The following CLMP variants were observed in gnomAD, a reference collection of about 807,000 sequenced individuals.
The protein encoded by CLMP is CXADR-like membrane protein.
A neutral mutation model predicts 45.2 loss-of-function variants in CLMP; 27 were observed. The ratio of observed to expected loss-of-function variants is 0.60; its 90% CI spans 0.44 to 0.82. The LOEUF is 0.82. Ranked by LOEUF, CLMP falls within the 40% of genes least tolerant of loss-of-function variation. The pLI is 0.00. For synonymous variants in CLMP, 167 were observed against 171.4 expected (o/e 0.97, Z 0.20); for missense variants, 403 against 448.4 (o/e 0.90, Z 0.91).
chr11:123,117,260 C>T (rs1223944287), intron 1 of CLMP, among the ~76,000 whole-genome samples: 1 of 151,820 alleles, frequency 6.6e-6, no homozygotes, highest in East Asian at 1.9e-4. Context: ...TTCATTTAAT[C>T]AGAACAATCC....
At chr11:123,153,516 C>T (rs570701257) in intron 1 of CLMP, among the ~76,000 whole-genome samples, 4 of 152,280 alleles carry the variant, frequency 2.6e-5, no homozygotes, top group African/African-American at 9.6e-5. Context: ...TCAAAAGGAA[C>T]TCTACTATGA....
At chr11:123,150,707 G>A (rs693095) in intron 1 of CLMP, among the ~76,000 whole-genome samples, 1 of 152,146 alleles carries the variant, frequency 6.6e-6, no homozygotes, top group African/African-American at 2.4e-5. Context: ...AATTCTGAAA[G>A]TCATGACTTC....
intron 5 of CLMP, among the ~76,000 whole-genome samples, chr11:123,078,237 T>C (rs1266513121): frequency 2.0e-5 from 3 of 152,160 alleles, no homozygotes; most frequent in South Asian, 2.1e-4. Context: ...ATAAAATGAA[T>C]AATTGTATAG....
At chr11:123,095,872 G>A (rs1281795506) in intron 2 of CLMP, among the ~76,000 whole-genome samples, 1 of 152,180 alleles carries the variant, frequency 6.6e-6, no homozygotes, top group Non-Finnish European at 1.5e-5. Context: ...TATTCTACGA[G>A]GGCAGAGAGG....
chr11:123,102,009 A>C (rs1866068339), intron 1 of CLMP, among the ~76,000 whole-genome samples: 1 of 152,052 alleles, frequency 6.6e-6, no homozygotes, highest in Non-Finnish European at 1.5e-5. Flanking sequence ...ACATGGCCAA[A>C]CCCTATCTCC....
At chr11:123,088,068 G>T (rs192849711) in intron 2 of CLMP, among the ~76,000 whole-genome samples, 2 of 151,820 alleles carry the variant, frequency 1.3e-5, no homozygotes, top group Non-Finnish European at 2.9e-5. Context: ...GTGCCACCAG[G>T]CCCAGCTAAT....
intron 1 of CLMP, among the ~76,000 whole-genome samples, chr11:123,170,035 C>T (rs1861608824): frequency 6.6e-6 from 1 of 152,114 alleles, no homozygotes; most frequent in Non-Finnish European, 1.5e-5. Context: ...TCTTATCAGA[C>T]TTAAAAAGGT....
chr11:123,129,596 G>GTATATAATATATATTATATT (rs1860955141), intron 1 of CLMP, among the ~76,000 whole-genome samples: 2 of 135,632 alleles, frequency 1.5e-5, no homozygotes, highest in Non-Finnish European at 3.1e-5. Context: ...TAATTATATA[G>GTATATAATATATATTATATT]TATATAATAT....
intron 1 of CLMP, among the ~76,000 whole-genome samples, chr11:123,133,515 A>C (rs181036167): frequency 5.3e-5 from 8 of 152,258 alleles, no homozygotes; most frequent in African/African-American, 1.9e-4. Context: ...TCTTGGCTAT[A>C]AACTTCCACT....
rs115677716 is a variant in CLMP, at chr11:123,151,578, C to T, written c.28+43335G>A. 3.5e-3 allele frequency among the ~76,000 whole-genome samples: 526 copies of T among 152,304 alleles called. 7 individuals are homozygous for T. The South Asian group carries it at 0.035, about 10-fold the overall frequency. Reference sequence around the variant, plus strand: ...CTGCCACTTTTCCAGCGGAGGAACTCATACTCTAGTGGGAAAGACAATATA... The same window carrying T: ...CTGCCACTTTTCCAGCGGAGGAACTTATACTCTAGTGGGAAAGACAATATA... On this transcript the variant is annotated intron_variant, in intron 1 of 6. Coordinates refer to ENST00000448775, the MANE Select transcript of CLMP (RefSeq NM_024769.5).
intron 1 of CLMP, among the ~76,000 whole-genome samples, chr11:123,158,331 G>A (rs1056121451): frequency 6.6e-6 from 1 of 152,212 alleles, no homozygotes; most frequent in African/African-American, 2.4e-5. Flanking sequence ...ATAGAATGCT[G>A]CAATCTTAAT....
intron 1 of CLMP, among the ~76,000 whole-genome samples, chr11:123,168,064 T>A (rs1477014451): frequency 6.6e-6 from 1 of 152,148 alleles, no homozygotes; most frequent in African/African-American, 2.4e-5. Flanking sequence ...CCTGCCATGG[T>A]CAACAAAGGA....
chr11:123,175,435 T>G (rs973637144), intron 1 of CLMP, among the ~76,000 whole-genome samples: 18 of 150,224 alleles, frequency 1.2e-4, no homozygotes, highest in African/African-American at 4.5e-4. Context: ...TCCCTCAACA[T>G]GTGGGGATTA....
chr11:123,075,553 G>A (rs1295538302), intron 5 of CLMP, among the ~76,000 whole-genome samples: 3 of 151,718 alleles, frequency 2.0e-5, no homozygotes, highest in Non-Finnish European at 4.4e-5. Context: ...CGCCCGGCTA[G>A]TTTTTTTGTA....
At chr11:123,135,392 A>G (rs976914524) in intron 1 of CLMP, among the ~76,000 whole-genome samples, 2 of 152,122 alleles carry the variant, frequency 1.3e-5, no homozygotes, top group African/African-American at 4.8e-5. Flanking sequence ...ACATGTATAT[A>G]TGGTCAAAGC....
chr11:123,184,184 TC>T (rs1861804001), intron 1 of CLMP, among the ~76,000 whole-genome samples: 1 of 152,092 alleles, frequency 6.6e-6, no homozygotes, highest in Non-Finnish European at 1.5e-5. Context: ...AACCTCTGCC[TC>T]CCGGGTTCAA....
intron 1 of CLMP, among the ~76,000 whole-genome samples, chr11:123,157,888 C>T (rs1474154919): frequency 2.0e-5 from 3 of 152,040 alleles, no homozygotes; most frequent in Non-Finnish European, 4.4e-5. Flanking sequence ...AGTTGGGGGC[C>T]GTTTTCTTCT....
intron 1 of CLMP, among the ~76,000 whole-genome samples, chr11:123,117,877 T>G (rs1334361341): frequency 6.6e-6 from 1 of 152,066 alleles, no homozygotes; most frequent in Admixed American, 6.6e-5. Context: ...CTTCAAAGAG[T>G]ATGGCAGGTA....
chr11:123,135,259 CAAAA>C (rs529613516), intron 1 of CLMP, among the ~76,000 whole-genome samples: 1 of 89,080 alleles, frequency 1.1e-5, no homozygotes. Context: ...GACTCCGTCT[CAAAA>C]AAAAAAAAAA....
Sources: gnomAD v4.1 joint callset for allele counts (sites outside exome capture counted in the v4.1 genomes callset) on GRCh38, gnomAD v4.1.1 for gene constraint, MANE v1.5 for transcripts, NCBI Gene and HGNC (gene_info 2026-07-23, HGNC 2026-07-21) for gene names.